KCTD8: variants seen among roughly 807,000 people sequenced by gnomAD.
KCTD8 encodes the protein potassium channel tetramerization domain containing 8, also known as BTB/POZ domain-containing protein KCTD8.
Under a neutral mutation model 31.5 loss-of-function variants are expected in KCTD8, and 27 were observed. The ratio of observed to expected loss-of-function variants is 0.86; its 90% confidence interval spans 0.63 to 1.18. The LOEUF (loss-of-function observed/expected upper bound fraction) is 1.18. Ranked by LOEUF, KCTD8 falls within the 50% of genes most tolerant of loss-of-function variation. The probability of loss-of-function intolerance (pLI) is 0.00; values close to 1 mark genes in which losing one functional copy is unlikely to be tolerated. For synonymous variants in KCTD8, 290 were observed against 280.0 expected, an observed-to-expected ratio of 1.04 and a Z score of -0.36; for missense variants, 658 against 647.7, an observed-to-expected ratio of 1.02 and a Z score of -0.17.
At chr4:44,244,682 C>T (rs1715600318) in intron 1 of KCTD8, among the ~76,000 whole-genome samples, 1 of 152,006 alleles carries the variant, frequency 6.6e-6, no homozygotes, top group Non-Finnish European at 1.5e-5. Context: ...AGGTCATAAC[C>T]CTCATTCCAA....
rs1450087108 is a variant in KCTD8 at position 44,174,970 on chromosome 4, C to T, written c.1242G>A (p.Gln414=). 6.2e-7 allele frequency: 1 copy of T among 1,614,002 alleles called. No individual in the cohort carries two copies. Among genetic ancestry groups the T allele is most frequent in the Non-Finnish European group, 8.5e-7 (1 of 1,180,010 alleles). The change falls in exon 2 of 2, where the codon CAG becomes CAA. Residue 414 remains glutamine (Q), a synonymous_variant. Transcript: ENST00000360029. ...PDKRRNSELF[Q]TLISKSRETN... is the part of the protein sequence containing the mutation. ...TTTCCCGGGACTTGCTGATGAGGGTCTGAAAGAGTTCACTGTTTCTGCGTT... is the reference window on the plus strand; with the variant it reads ...TTTCCCGGGACTTGCTGATGAGGGTTTGAAAGAGTTCACTGTTTCTGCGTT...
intron 1 of KCTD8, among the ~76,000 whole-genome samples, chr4:44,406,987 C>G (rs748352153): frequency 1.3e-5 from 2 of 152,158 alleles, no homozygotes; most frequent in Non-Finnish European, 2.9e-5. Flanking sequence ...ATTTTTCTTT[C>G]TAATCATCAG....
At chr4:44,335,486 G>T (rs1445887315) in intron 1 of KCTD8, among the ~76,000 whole-genome samples, 2 of 151,890 alleles carry the variant, frequency 1.3e-5, no homozygotes, top group African/African-American at 4.8e-5. Flanking sequence ...TTAAAAATAT[G>T]TTTCCTACAG....
At chr4:44,179,574 TA>T (rs1305646949) in intron 1 of KCTD8, among the ~76,000 whole-genome samples, 3 of 150,862 alleles carry the variant, frequency 2.0e-5, no homozygotes, top group African/African-American at 7.3e-5. Context: ...TTTAATACAA[TA>T]TCTTTAGGCA....
chr4:44,399,138 G>A (rs571322059), intron 1 of KCTD8, among the ~76,000 whole-genome samples: 1 of 152,220 alleles, frequency 6.6e-6, no homozygotes, highest in South Asian at 2.1e-4. Flanking sequence ...AGTTTCAGGA[G>A]CACCTAAGGG....
intron 1 of KCTD8, among the ~76,000 whole-genome samples, chr4:44,285,857 G>C (rs897946265): frequency 6.6e-6 from 1 of 152,038 alleles, no homozygotes; most frequent in African/African-American, 2.4e-5. Flanking sequence ...AAAGTAAACT[G>C]AAAACTTGGA....
intron 1 of KCTD8, among the ~76,000 whole-genome samples, chr4:44,397,823 C>T (rs1482061599): frequency 6.6e-6 from 1 of 152,086 alleles, no homozygotes; most frequent in East Asian, 1.9e-4. Context: ...GAAAACATTA[C>T]AAGAATTTTA....
rs1722019786 is a variant in KCTD8 at position 44,448,528 on chromosome 4, C to A, written c.-5G>T. On this transcript the variant is annotated 5_prime_UTR_variant, in exon 1 of 2. Coordinates refer to ENST00000360029, the MANE Select transcript of KCTD8 (RefSeq NM_198353.3). This position sits in a 1 kb window ranked among gnomAD's most constrained non-coding sequence, Gnocchi z 4.1. ...GCCCGTGTCCTTCAGAGCCATAGTC[C>A]CCCCGCCGCCGGCCCAGTGACCCGA... The A allele has an allele frequency of 6.9e-7, 1 of 1,453,696 alleles. No individual in the cohort carries two copies. The highest frequency in any genetic ancestry group is 2.6e-5 in the Admixed American group (1 of 38,444). 90.0% of individuals were successfully genotyped at this position (1,453,696 alleles called of 1,614,324 possible).
At chr4:44,400,061 A>G (rs926315359) in intron 1 of KCTD8, among the ~76,000 whole-genome samples, 1 of 152,156 alleles carries the variant, frequency 6.6e-6, no homozygotes, top group African/African-American at 2.4e-5. Context: ...TTTGTAGTAC[A>G]TTTTCAAATG....
chr4:44,377,562 T>C (rs913540897), intron 1 of KCTD8, among the ~76,000 whole-genome samples: 4 of 152,136 alleles, frequency 2.6e-5, no homozygotes, highest in Admixed American at 2.0e-4. Flanking sequence ...ATTTAACATA[T>C]GCTTGGGGAA....
chr4:44,364,756 T>C (rs944156579), intron 1 of KCTD8, among the ~76,000 whole-genome samples: 1 of 151,840 alleles, frequency 6.6e-6, no homozygotes, highest in African/African-American at 2.4e-5. Flanking sequence ...AGAAATGACA[T>C]GGAGGGAACT....
chr4:44,390,987 C>T (rs573755057), intron 1 of KCTD8, among the ~76,000 whole-genome samples: 14 of 151,966 alleles, frequency 9.2e-5, no homozygotes, highest in African/African-American at 2.4e-4. Flanking sequence ...TACTTGCACA[C>T]GACTCAGCCA....
intron 1 of KCTD8, among the ~76,000 whole-genome samples, chr4:44,302,853 G>T (rs1261288196): frequency 6.6e-6 from 1 of 152,006 alleles, no homozygotes; most frequent in Non-Finnish European, 1.5e-5. Context: ...TTGGCTGTGG[G>T]TTTGTCCTAG....
intron 1 of KCTD8, among the ~76,000 whole-genome samples, chr4:44,286,297 T>C (rs2109382176): frequency 6.6e-6 from 1 of 152,292 alleles, no homozygotes; most frequent in Non-Finnish European, 1.5e-5. Flanking sequence ...TCAGTATCTC[T>C]GAAAATACAT....
At chr4:44,176,168 T>C (rs545307203) in intron 1 of KCTD8, among the ~76,000 whole-genome samples, 2 of 152,220 alleles carry the variant, frequency 1.3e-5, no homozygotes, top group Non-Finnish European at 2.9e-5. Flanking sequence ...ATTACTCAAC[T>C]CTTATTTTAT....
intron 1 of KCTD8, among the ~76,000 whole-genome samples, chr4:44,403,392 G>A (rs1202146269): frequency 2.0e-5 from 3 of 150,580 alleles, no homozygotes; most frequent in Non-Finnish European, 4.4e-5. Context: ...TATATAGGAG[G>A]TAGGGACTTT....
chr4:44,233,914 G>A (rs1261472064), intron 1 of KCTD8, among the ~76,000 whole-genome samples: 5 of 152,012 alleles, frequency 3.3e-5, no homozygotes, highest in Admixed American at 3.3e-4. Flanking sequence ...CAGATATTGA[G>A]TATTTTCTAC....
chr4:44,441,087 G>T (rs1236608681), intron 1 of KCTD8, among the ~76,000 whole-genome samples: 1 of 152,090 alleles, frequency 6.6e-6, no homozygotes, highest in Non-Finnish European at 1.5e-5. Context: ...TGGCTGATAG[G>T]CAGATGACAC....
rs1355576561 is a variant in KCTD8 at position 44,173,972 on chromosome 4, A to T, written c.*818T>A. On this transcript the variant is annotated 3_prime_UTR_variant, in exon 2 of 2. Transcript: ENST00000360029. ...ACCATTTCCCTCTATTATTTTGATT[A>T]ACATGATAATAGGATCTTTCAAAGC... 3 of 152,164 alleles carry T rather than the reference A, an allele frequency of 2.0e-5. No homozygotes were observed. The highest frequency in any genetic ancestry group is 4.4e-5 in the Non-Finnish European group (3 of 67,992). 9.4% of individuals were successfully genotyped at this position (152,164 alleles called of 1,614,324 possible). A position where few individuals can be genotyped will look rare whatever the true frequency, so the allele number is the denominator to read the frequency against.
Sources: gnomAD v4.1 joint callset for allele counts (sites outside exome capture counted in the v4.1 genomes callset) on GRCh38, gnomAD v4.1.1 for gene constraint, Gnocchi (gnomAD v3.1) non-coding constraint, MANE v1.5 for transcripts, NCBI Gene and HGNC (gene_info 2026-07-23, HGNC 2026-07-21) for gene names.